The following WDR25 variants were observed in gnomAD, a reference collection of about 807,000 sequenced individuals.
WDR25 encodes WD repeat domain 25, also known as WD repeat-containing protein 25.
In WDR25, 35 loss-of-function variants were observed where a neutral mutation model predicts 47.7. The observed-to-expected ratio is 0.73, with a 90% CI of 0.56 to 0.97. WDR25 has a LOEUF of 0.97. Among genes scored for constraint, WDR25 ranks in the 50% least tolerant of loss-of-function variants. WDR25 has a pLI of 0.00. For synonymous variants in WDR25, 248 were observed against 278.9 expected (o/e 0.89, Z 1.10); for missense variants, 634 against 704.7 (o/e 0.90, Z 1.14).
chr14:100,528,432 TTTC>T (rs991792682), intron 5 of WDR25, among the ~76,000 whole-genome samples: 3 of 108,068 alleles, frequency 2.8e-5, no homozygotes, highest in African/African-American at 1.8e-4. Context: ...TGTTTCTTTC[TTTC>T]TTTTTTTTTT....
At position 100,381,439 on chromosome 14, in the gene WDR25, G is replaced by A. The variant is rs772328853; in HGVS notation, c.515G>A (p.Cys172Tyr). The A allele has an allele frequency of 6.2e-7, 1 of 1,614,204 alleles. No homozygotes were observed. Among genetic ancestry groups the A allele is most frequent in the East Asian group, 2.2e-5 (1 of 44,886 alleles). ...TTTCAGAAGAAAAAATGTGAGGACT[G>A]TGTGGTACCCTATACTCCCAGAAGA... Reference protein sequence around the residue: ...SSFQKKKCEDCVVPYTPRRLR... With the variant: ...SSFQKKKCEDYVVPYTPRRLR... The change falls in exon 2 of 7, where the codon TGT (cysteine) becomes TAT (tyrosine). Residue 172 changes from cysteine to tyrosine, a missense_variant. By Grantham distance (194) the Cys-to-Tyr change is radical (BLOSUM62 -2). Coordinates refer to ENST00000402312, the MANE Select transcript of WDR25 (RefSeq NM_001161476.3).
chr14:100,441,042 C>T (rs1308126755), intron 2 of WDR25, among the ~76,000 whole-genome samples: 2 of 152,186 alleles, frequency 1.3e-5, no homozygotes, highest in Non-Finnish European at 2.9e-5. Flanking sequence ...TGTTTTCTTC[C>T]TGTTCATCAC....
At chr14:100,476,335 T>G (rs909509849) in intron 3 of WDR25, 1 of 152,238 alleles carries the variant, frequency 6.6e-6, no homozygotes, top group Non-Finnish European at 1.5e-5. Context: ...GTTTCTTTTC[T>G]CGTTAACTTT....
In WDR25 at chr14:100,525,816, G is replaced by A. The variant is rs2030095035; in HGVS notation, c.1102-54G>A. The A allele has an allele frequency of 1.9e-6, 3 of 1,597,654 alleles. No homozygotes were observed. The highest frequency in any genetic ancestry group is 2.6e-6 in the Non-Finnish European group (3 of 1,170,796). The stretch of plus-strand genomic sequence containing the variant: ...CTGGGTCCTTGGCCTTCCCTGCATA[G>A]GCGCCTGTCCGTGCTGCCAGGCCTG... On this transcript the variant is annotated intron_variant, in intron 4 of 6. Coordinates refer to ENST00000402312, the MANE Select transcript of WDR25 (RefSeq NM_001161476.3). This position sits in a 1 kb window ranked among gnomAD's most constrained non-coding sequence, Gnocchi z 4.6.
intron 2 of WDR25, among the ~76,000 whole-genome samples, chr14:100,444,764 T>C (rs1397371777): frequency 1.3e-5 from 2 of 152,226 alleles, no homozygotes; most frequent in African/African-American, 2.4e-5. Context: ...ATCGTCCTCC[T>C]CACGTCCTTA....
intron 4 of WDR25, among the ~76,000 whole-genome samples, chr14:100,522,080 G>A (rs1221037742): frequency 1.3e-5 from 2 of 149,430 alleles, no homozygotes; most frequent in Non-Finnish European, 1.5e-5. Flanking sequence ...TTTCTGTAGA[G>A]CTATTGGTCT....
intron 2 of WDR25, among the ~76,000 whole-genome samples, chr14:100,413,981 G>A (rs904769448): frequency 6.7e-6 from 1 of 149,706 alleles, no homozygotes; most frequent in Non-Finnish European, 1.5e-5. Flanking sequence ...TTTCTAGTGA[G>A]CCGTTAGAGG....
In WDR25 at chr14:100,449,350, A is replaced by G. The variant is rs1164550321; in HGVS notation, c.823-18671A>G. Among the ~76,000 whole-genome samples, 2 of 152,228 alleles carry G rather than the reference A, an allele frequency of 1.3e-5. No homozygotes were observed. Among genetic ancestry groups the G allele is most frequent in the Admixed American group, 1.3e-4 (2 of 15,286 alleles). The stretch of plus-strand genomic sequence containing the variant: ...AGCCTGGCTACAGGGCTGCCCCGGG[A>G]GGCCTCCTTTGGGAGCAGAGACAGC... On this transcript the variant is annotated intron_variant, in intron 2 of 6. Coordinates refer to ENST00000402312, the MANE Select transcript of WDR25 (RefSeq NM_001161476.3). This position sits in a 1 kb window ranked among gnomAD's most constrained non-coding sequence, Gnocchi z 4.2.
intron 1 of WDR25, among the ~76,000 whole-genome samples, chr14:100,380,374 G>T (rs1252518660): frequency 6.6e-6 from 1 of 152,076 alleles, no homozygotes; most frequent in Non-Finnish European, 1.5e-5. Context: ...TGTAGGTCTT[G>T]CTTATTTTTT....
intron 2 of WDR25, chr14:100,382,260 C>T (rs938153700): frequency 8.7e-6 from 6 of 686,182 alleles, no homozygotes; most frequent in East Asian, 2.7e-5. Flanking sequence ...GTAGGACACA[C>T]AGGTGCTCTG....
At chr14:100,437,736 C>T (rs570493621) in intron 2 of WDR25, among the ~76,000 whole-genome samples, 3 of 152,202 alleles carry the variant, frequency 2.0e-5, no homozygotes, top group African/African-American at 4.8e-5. Flanking sequence ...CCATTCTCTC[C>T]CTCTACCTCT....
Position 100,425,514 on chromosome 14 carries a change from A to G in WDR25, c.823-42507A>G, listed in dbSNP as rs962017277. The stretch of plus-strand genomic sequence containing the variant: ...TGTGAAATATGTTTGATGGGGAAAG[A>G]TACCCGGGACAGAACCCGACTTTTG... On this transcript the variant is annotated intron_variant, in intron 2 of 6. Transcript: ENST00000402312. The surrounding 1 kb of genome is among the most constrained non-coding windows in gnomAD (Gnocchi z 4.8). 5.3e-5 allele frequency among the ~76,000 whole-genome samples: 8 copies of G among 152,184 alleles called. No individual in the cohort carries two copies. Among genetic ancestry groups the G allele is most frequent in the African/African-American group, 1.9e-4 (8 of 41,446 alleles).
intron 3 of WDR25, among the ~76,000 whole-genome samples, chr14:100,473,418 C>T (rs775620803): frequency 5.9e-5 from 9 of 152,170 alleles, no homozygotes; most frequent in African/African-American, 1.7e-4. Flanking sequence ...GCCCTCCCCA[C>T]GTCTGTTTCC....
intron 4 of WDR25, among the ~76,000 whole-genome samples, chr14:100,520,869 C>T (rs111511210): frequency 0.018 from 2,713 of 152,210 alleles, 84 homozygotes; most frequent in African/African-American, 0.052. Flanking sequence ...GAAGAACAGA[C>T]GGAAGTTACT....
intron 2 of WDR25, among the ~76,000 whole-genome samples, chr14:100,439,916 G>A (rs1451236827): frequency 1.3e-5 from 2 of 152,192 alleles, no homozygotes; most frequent in South Asian, 2.1e-4. Flanking sequence ...CTCGTGTGAC[G>A]TGGCAGAGGC....
In WDR25 at chr14:100,413,245, G is replaced by A. The variant is rs1220646924; in HGVS notation, c.822+31499G>A. ...AGTTTTGACAAACCTGTATACTTAT[G>A]CAACCATCGCTCCAATCAAGGCACA... On this transcript the variant is annotated intron_variant, in intron 2 of 6. Transcript: ENST00000402312. Among the ~76,000 whole-genome samples, 6 of 152,110 alleles carry A rather than the reference G, an allele frequency of 3.9e-5. No individual in the cohort carries two copies. In the South Asian group the frequency reaches 8.3e-4, roughly 21 times the overall value.
rs1407208651 is a variant in WDR25, at chr14:100,498,949, C to A, written c.1101+14825C>A. 6.6e-6 allele frequency among the ~76,000 whole-genome samples: 1 copy of A among 152,168 alleles called. No individual in the cohort carries two copies. The highest frequency in any genetic ancestry group is 1.5e-5 in the Non-Finnish European group (1 of 68,028). On this transcript the variant is annotated intron_variant, in intron 4 of 6. Transcript: ENST00000402312. This position sits in a 1 kb window ranked among gnomAD's most constrained non-coding sequence, Gnocchi z 4.2. ...TGAGAGGGCTTGTCGTGGGGTCCCC[C>A]TGTGACTTGGGTGCAAGCAGGGTGT...
rs148825100 is a variant in WDR25, at chr14:100,528,534, G to C, written c.1273-534G>C. Among the ~76,000 whole-genome samples the C allele has an allele frequency of 1.3e-4, 20 of 151,068 alleles. No individual in the cohort carries two copies. In the East Asian group the frequency reaches 3.1e-3, roughly 24 times the overall value. Reference sequence around the variant, plus strand: ...GATCCGCCCGCCTCAGCATCCCAGAGTGCTGGGATACAGGCGTGAGCCACC... The same window carrying C: ...GATCCGCCCGCCTCAGCATCCCAGACTGCTGGGATACAGGCGTGAGCCACC... On this transcript the variant is annotated intron_variant, in intron 5 of 6. Coordinates refer to ENST00000402312, the MANE Select transcript of WDR25 (RefSeq NM_001161476.3).
chr14:100,418,561 C>T (rs747568060), intron 2 of WDR25, among the ~76,000 whole-genome samples: 5 of 150,646 alleles, frequency 3.3e-5, no homozygotes, highest in Non-Finnish European at 5.9e-5. Context: ...TGCTTGAACC[C>T]GGGAGGTAGA....
Sources: allele counts gnomAD v4.1 joint callset (sites outside exome capture counted in the v4.1 genomes callset), GRCh38; gene constraint gnomAD v4.1.1; non-coding constraint Gnocchi (gnomAD v3.1); transcripts MANE v1.5; gene names NCBI Gene and HGNC (gene_info 2026-07-23, HGNC 2026-07-21).